Variants in BICD1 observed in about 807,000 individuals in gnomAD.
The protein encoded by BICD1 is BICD cargo adaptor 1.
BICD1 carries 35 observed loss-of-function variants against 92.5 expected under a neutral mutation model. That is an observed-to-expected ratio of 0.38 (90% confidence interval 0.29 to 0.50). BICD1 has a LOEUF of 0.50. Among genes scored for constraint, BICD1 ranks in the 20% least tolerant of loss-of-function variants. The pLI is 0.93. For synonymous variants in BICD1, 429 were observed against 465.1 expected, an observed-to-expected ratio of 0.92 and a Z score of 1.00; for missense variants, 950 against 1,189.8, an observed-to-expected ratio of 0.80 and a Z score of 2.97.
At chr12:32,147,787 TG>T (rs1174626537) in intron 1 of BICD1, among the ~76,000 whole-genome samples, 9 of 152,084 alleles carry the variant, frequency 5.9e-5, no homozygotes, top group Admixed American at 3.9e-4. Context: ...AGAGACAGAA[TG>T]GTTCCAGGGC....
At chr12:32,199,753 A>G (rs2121549024) in intron 1 of BICD1, among the ~76,000 whole-genome samples, 1 of 152,220 alleles carries the variant, frequency 6.6e-6, no homozygotes, top group South Asian at 2.1e-4. Flanking sequence ...TACCCTTATT[A>G]TGTCTCCTGC....
intron 1 of BICD1, among the ~76,000 whole-genome samples, chr12:32,170,151 T>C (rs1943893627): frequency 6.6e-6 from 1 of 152,192 alleles, no homozygotes; most frequent in Admixed American, 6.5e-5. Flanking sequence ...TTTCCAACTT[T>C]CTCTTAGGCA....
At chr12:32,133,380 C>T (rs939077425) in intron 1 of BICD1, among the ~76,000 whole-genome samples, 2 of 151,688 alleles carry the variant, frequency 1.3e-5, no homozygotes, top group Admixed American at 6.6e-5. Context: ...CCTAGCTACT[C>T]GGGAGGTTGA....
chr12:32,153,617 A>G (rs1943352674), intron 1 of BICD1, among the ~76,000 whole-genome samples: 1 of 152,072 alleles, frequency 6.6e-6, no homozygotes, highest in African/African-American at 2.4e-5. Flanking sequence ...CTAGCCAGGC[A>G]TGATGGCGTG....
chr12:32,180,053 A>G lies in BICD1; in HGVS notation c.214-36194A>G, dbSNP rs548065797. Among the ~76,000 whole-genome samples, 95 of 150,392 alleles carry G rather than the reference A, an allele frequency of 6.3e-4. 2 individuals are homozygous for G. The highest frequency in any genetic ancestry group is 8.9e-4 in the Non-Finnish European group (60 of 67,726). ...GATTTAAGGTGGAGGATTTCCTCGC[A>G]GTAGGTAAAGAAGCAAAGCCCTGTT... On this transcript the variant is annotated intron_variant, in intron 1 of 9. Coordinates refer to ENST00000652176, the MANE Select transcript of BICD1 (RefSeq NM_001714.4).
intron 2 of BICD1, among the ~76,000 whole-genome samples, chr12:32,223,016 A>G (rs1039173429): frequency 6.6e-6 from 1 of 152,226 alleles, no homozygotes; most frequent in Non-Finnish European, 1.5e-5. Context: ...TTGAAAATCT[A>G]TGTTTTAGTT....
intron 8 of BICD1, among the ~76,000 whole-genome samples, chr12:32,349,069 A>G (rs1486995318): frequency 6.6e-6 from 1 of 152,050 alleles, no homozygotes; most frequent in African/African-American, 2.4e-5. Flanking sequence ...GGTGCTGAAC[A>G]ATCTACCTGT....
chr12:32,370,036 G>A (rs1258745163), intron 9 of BICD1, among the ~76,000 whole-genome samples: 5 of 152,114 alleles, frequency 3.3e-5, no homozygotes, highest in South Asian at 2.1e-4. Context: ...AAGGTTTTTC[G>A]CTAATGCCAT....
At position 32,328,909 on chromosome 12, in the gene BICD1, C is replaced by T. The variant is rs772592685; in HGVS notation, c.2100+354C>T. On this transcript the variant is annotated intron_variant, in intron 5 of 9. Transcript: ENST00000652176. The surrounding 1 kb of genome is among the most constrained non-coding windows in gnomAD (Gnocchi z 4.4). Reference sequence around the variant, plus strand: ...GATGGAGGGTGGCAGAATAGGCTGGCAAGGCAGGTTACACCAACCAGGGCG... The same window carrying T: ...GATGGAGGGTGGCAGAATAGGCTGGTAAGGCAGGTTACACCAACCAGGGCG... 2.6e-5 allele frequency among the ~76,000 whole-genome samples: 4 copies of T among 151,874 alleles called. No individual in the cohort carries two copies. Among genetic ancestry groups the T allele is most frequent in the African/African-American group, 4.8e-5 (2 of 41,338 alleles).
intron 2 of BICD1, among the ~76,000 whole-genome samples, chr12:32,282,199 CTTCTTTT>C (rs1947429032): frequency 1.6e-4 from 11 of 68,994 alleles, no homozygotes; most frequent in African/African-American, 6.0e-4. Context: ...TTCAGGTCTT[CTTCTTTT>C]TTTTTTTTTT....
At chr12:32,123,116 G>A (rs1942213412) in intron 1 of BICD1, among the ~76,000 whole-genome samples, 1 of 152,108 alleles carries the variant, frequency 6.6e-6, no homozygotes, top group Admixed American at 6.6e-5. Context: ...ATGCTATGGG[G>A]GGAAAAAACC....
intron 2 of BICD1, among the ~76,000 whole-genome samples, chr12:32,287,911 A>G (rs2136183121): frequency 6.6e-6 from 1 of 152,338 alleles, no homozygotes; most frequent in Admixed American, 6.5e-5. Context: ...CACTGGGCCA[A>G]ATAGTCCAAG....
intron 2 of BICD1, among the ~76,000 whole-genome samples, chr12:32,246,197 C>T (rs1220478657): frequency 6.6e-6 from 1 of 150,514 alleles, no homozygotes; most frequent in Non-Finnish European, 1.5e-5. Flanking sequence ...GAATTATAGC[C>T]AGGTCCAGTG....
chr12:32,364,942 A>G (rs1939470285), intron 8 of BICD1, among the ~76,000 whole-genome samples: 1 of 151,666 alleles, frequency 6.6e-6, no homozygotes, highest in Non-Finnish European at 1.5e-5. Context: ...TGTCTCAAAA[A>G]CTAAATAAAT....
At chr12:32,123,752 C>T (rs1942234762) in intron 1 of BICD1, among the ~76,000 whole-genome samples, 1 of 152,092 alleles carries the variant, frequency 6.6e-6, no homozygotes, top group South Asian at 2.1e-4. Flanking sequence ...GTGGCAGGTG[C>T]CTGTAATCCC....
chr12:32,200,257 A>T (rs1370620090), intron 1 of BICD1, among the ~76,000 whole-genome samples: 1 of 152,218 alleles, frequency 6.6e-6, no homozygotes, highest in Admixed American at 6.5e-5. Flanking sequence ...GGCTGAGGAC[A>T]TTATCACTCC....
At chr12:32,153,797 G>GTGTA (rs1483378141) in intron 1 of BICD1, among the ~76,000 whole-genome samples, 1 of 149,776 alleles carries the variant, frequency 6.7e-6, no homozygotes, top group African/African-American at 2.5e-5. Context: ...GTGTGTGTGT[G>GTGTA]TATATATGTA....
In BICD1 at chr12:32,291,838, TA is replaced by T. The variant is rs113544350; in HGVS notation, c.427-2144del. 5.9e-3 allele frequency among the ~76,000 whole-genome samples: 871 copies of T among 146,708 alleles called. 2 individuals are homozygous for T. The highest frequency in any genetic ancestry group is 9.1e-3 in the Non-Finnish European group (604 of 66,294). On this transcript the variant is annotated intron_variant, in intron 2 of 9. Transcript: ENST00000652176. ...GGGTGACAGAGTGAGAACATGTCTTTAAAAAAAAAAAATCTGTGGACTATGA... is the reference window on the plus strand; with the variant it reads ...GGGTGACAGAGTGAGAACATGTCTTTAAAAAAAAAAATCTGTGGACTATGA...
rs1036807699 is a variant in BICD1 at position 32,107,010 on chromosome 12, C to T, written c.-322C>T. On this transcript the variant is annotated 5_prime_UTR_variant, in exon 1 of 10. Coordinates refer to ENST00000652176, the MANE Select transcript of BICD1 (RefSeq NM_001714.4). ...AAGCAGAATCCGGAGCCCCTCGCTACCCGCGGCCGCCGCAGCCCGGGCCAT... is the reference window on the plus strand; with the variant it reads ...AAGCAGAATCCGGAGCCCCTCGCTATCCGCGGCCGCCGCAGCCCGGGCCAT... 1.3e-5 allele frequency: 4 copies of T among 307,434 alleles called. No homozygotes were observed. Among genetic ancestry groups the T allele is most frequent in the African/African-American group, 4.5e-5 (2 of 44,578 alleles). The allele number at this position is 307,434 out of a possible 1,614,324, so 19.0% of individuals were successfully genotyped here. A position where few individuals can be genotyped will look rare whatever the true frequency, so the allele number is the denominator to read the frequency against.
Sources: gnomAD v4.1 joint callset for allele counts (sites outside exome capture counted in the v4.1 genomes callset) on GRCh38, gnomAD v4.1.1 for gene constraint, Gnocchi (gnomAD v3.1) non-coding constraint, MANE v1.5 for transcripts, NCBI Gene and HGNC (gene_info 2026-07-23, HGNC 2026-07-21) for gene names.